SBF1: variants seen among roughly 807,000 people sequenced by gnomAD.
SBF1 encodes myotubularin-related protein 5.
Under a neutral mutation model 215.8 loss-of-function variants are expected in SBF1, and 65 were observed. The ratio of observed to expected loss-of-function variants is 0.30; its 90% CI spans 0.25 to 0.37. The LOEUF is 0.37. Ranked by LOEUF, SBF1 falls within the 10% of genes least tolerant of loss-of-function variation. SBF1 has a pLI of 1.00. For missense variants in SBF1, 2,634 were observed against 2,667.8 expected (o/e 0.99, Z 0.28); for synonymous variants, 1,410 against 1,122.8 (o/e 1.26, Z -5.11).
At chr22:50,474,001 G>A (rs564320703) in intron 1 of SBF1, among the ~76,000 whole-genome samples, 9 of 152,310 alleles carry the variant, frequency 5.9e-5, no homozygotes, top group African/African-American at 1.9e-4. Flanking sequence ...GCTCGCCAAC[G>A]CTGCTGTCTC....
rs747329098 is a variant in SBF1 at position 50,462,611 on chromosome 22, G to A, written c.2075C>T (p.Thr692Ile). The A allele has an allele frequency of 4.3e-6, 7 of 1,612,612 alleles. No homozygotes were observed. The highest frequency in any genetic ancestry group is 1.7e-5 in the Admixed American group (1 of 59,924). ...WEAMFYGDVQ[T>I]HIRALYLEPT... is the part of the protein sequence containing the mutation. ...CTCCAGGTAGAGGGCCCGGATGTGA[G>A]TCTGCACATCCCCATAGAACATGGC... is the stretch of plus-strand genomic sequence containing the variant. The change falls in exon 18 of 41, where the codon ACT becomes ATT. Residue 692 changes from threonine to isoleucine, a missense_variant. Physicochemically the swap from Thr to Ile is moderately conservative, Grantham distance 89. Coordinates refer to ENST00000380817, the MANE Select transcript of SBF1 (RefSeq NM_002972.4).
In SBF1 at chr22:50,456,947, C is replaced by T. The variant is rs1395546454; in HGVS notation, c.3904+87G>A. On this transcript the variant is annotated intron_variant, in intron 29 of 40. Transcript: ENST00000380817. ...CGTTAGTGTCAGGTGTGGAGGGAGA[C>T]ATTAGTGCCCGCAATAACTCAGTGC... The T allele has an allele frequency of 1.2e-5, 13 of 1,118,440 alleles. No homozygotes were observed. The Middle Eastern group carries it at 1.2e-3, about 106-fold the overall frequency. The allele number at this position is 1,118,440 out of a possible 1,614,324, so 69.3% of individuals were successfully genotyped here. A position where few individuals can be genotyped will look rare whatever the true frequency, so the allele number is the denominator to read the frequency against.
At chr22:50,458,069 G>A (rs2067328752) in intron 28 of SBF1, among the ~76,000 whole-genome samples, 1 of 152,216 alleles carries the variant, frequency 6.6e-6, no homozygotes. Context: ...GGAGGCCGAG[G>A]CGGGCGGATC....
chr22:50,453,015 G>T (rs2067108914), intron 36 of SBF1, among the ~76,000 whole-genome samples: 1 of 151,934 alleles, frequency 6.6e-6, no homozygotes, highest in African/African-American at 2.4e-5. Context: ...AAGGGACAAA[G>T]AGAAAACAAA....
rs896238358 is a variant in SBF1, at chr22:50,466,942, G to C, written c.550-232C>G. The C allele has an allele frequency of 5.4e-6, 3 of 560,074 alleles. No homozygotes were observed. In the South Asian group the frequency reaches 7.2e-5, roughly 13 times the overall value. 34.7% of individuals were successfully genotyped at this position (560,074 alleles called of 1,614,324 possible). On this transcript the variant is annotated intron_variant, in intron 5 of 40. Transcript: ENST00000380817. ...TGCTTTTGACTTGGGGGTAGGGATG[G>C]GGCCTAGGTGGGCGGAAGAAACAAA... is the stretch of plus-strand genomic sequence containing the variant.
At chr22:50,454,395 C>A (rs2067163236) in intron 36 of SBF1, 117 bp downstream of exon 36, 1 of 929,290 alleles carries the variant, frequency 1.1e-6, no homozygotes, top group Non-Finnish European at 1.7e-6. Flanking sequence ...CCACACCAAC[C>A]CCCAGGGGTA....
rs747087924 is a variant in SBF1, at chr22:50,466,665, G to A, written c.595C>T (p.Pro199Ser). ...CTGACGGGCAGCGAGTCGGCCAGTGGAGTCTGGATGACCTGCCGGTCACCA... is the reference window on the plus strand; with the variant it reads ...CTGACGGGCAGCGAGTCGGCCAGTGAAGTCTGGATGACCTGCCGGTCACCA... ...GAGDRQVIQT[P>S]LADSLPVSRC... Residue 199 changes from proline (P) to serine (S), a missense_variant, in exon 6 of 41, where the codon CCA becomes TCA. By Grantham distance (74) the Pro-to-Ser change is moderately conservative. Transcript: ENST00000380817. 1.3e-6 allele frequency: 2 copies of A among 1,549,574 alleles called. No homozygotes were observed. Among genetic ancestry groups the A allele is most frequent in the Non-Finnish European group, 1.7e-6 (2 of 1,146,132 alleles).
At chr22:50,459,751 C>T in intron 26 of SBF1, 85 bp from the exon 27 acceptor site, 1 of 1,409,984 alleles carries the variant, frequency 7.1e-7, no homozygotes, top group Non-Finnish European at 9.5e-7. Context: ...AGGAGCCAGC[C>T]CATGGCTCCC....
intron 24 of SBF1, 29 bp from the exon 25 acceptor site, chr22:50,460,437 AGAG>A: frequency 2.5e-6 from 4 of 1,602,570 alleles, no homozygotes; most frequent in Non-Finnish European, 1.7e-6. Flanking sequence ...AGCAAAGGTG[AGAG>A]GAGGAGGGAC....
rs535297475 is a variant in SBF1, at chr22:50,462,850, T to A, written c.1968+20A>T. On this transcript the variant is annotated intron_variant, in intron 17 of 40. Coordinates refer to ENST00000380817, the MANE Select transcript of SBF1 (RefSeq NM_002972.4). Reference sequence around the variant, plus strand: ...GGAAGGGGGGGCTGGGAAGGAGACCTCAGCCATGCCAGCACTCACCCGGCA... The same window carrying A: ...GGAAGGGGGGGCTGGGAAGGAGACCACAGCCATGCCAGCACTCACCCGGCA... 1 of 1,612,478 alleles carries A rather than the reference T, an allele frequency of 6.2e-7. No homozygotes were observed. Among genetic ancestry groups the A allele is most frequent in the Admixed American group, 1.7e-5 (1 of 59,986 alleles).
intron 15 of SBF1, among the ~76,000 whole-genome samples, 193 bp downstream of exon 15, chr22:50,464,136 C>T (rs187926741): frequency 1.3e-5 from 2 of 152,324 alleles, no homozygotes; most frequent in East Asian, 1.9e-4. Context: ...CGCGCAGGCC[C>T]GACCCACCCC....
chr22:50,454,055 G>C (rs2067150245), intron 36 of SBF1, among the ~76,000 whole-genome samples: 2 of 152,214 alleles, frequency 1.3e-5, no homozygotes, highest in Non-Finnish European at 2.9e-5. Context: ...GGATGGCACA[G>C]TGAGGGGTAA....
intron 36 of SBF1, 24 bp from the exon 37 acceptor site, chr22:50,448,674 T>A (rs369766410): frequency 6.4e-7 from 1 of 1,566,690 alleles, no homozygotes; most frequent in African/African-American, 1.3e-5. Context: ...TAATGGCAAG[T>A]TTATTCAAAA....
In SBF1 at chr22:50,445,337, T is replaced by C. The variant is rs1401009837; in HGVS notation, c.*1805A>G. The C allele has an allele frequency of 2.0e-5, 3 of 152,340 alleles. No individual in the cohort carries two copies. The highest frequency in any genetic ancestry group is 7.2e-5 in the African/African-American group (3 of 41,450). 9.4% of individuals were successfully genotyped at this position (152,340 alleles called of 1,614,324 possible). ...ACACATCAACCCCAGGACTTCCTTT[T>C]GTGCCAGCTCCCCCTCCCAGAAGCC... On this transcript the variant is annotated 3_prime_UTR_variant, in exon 41 of 41. Coordinates refer to ENST00000380817, the MANE Select transcript of SBF1 (RefSeq NM_002972.4).
intron 22 of SBF1, 104 bp downstream of exon 22, chr22:50,461,419 C>G: frequency 6.7e-7 from 1 of 1,491,180 alleles, no homozygotes; most frequent in South Asian, 1.3e-5. Context: ...TTCCCACGGG[C>G]ACCCAGAACC....
At position 50,461,785 on chromosome 22, in the gene SBF1, C is replaced by T. The variant is rs552786004; in HGVS notation, c.2643+11G>A. The T allele has an allele frequency of 1.6e-4, 251 of 1,612,738 alleles. 2 individuals carry two copies. The South Asian group carries it at 1.7e-3, about 11-fold the overall frequency. On this transcript the variant is annotated intron_variant, in intron 21 of 40. Transcript: ENST00000380817. Reference sequence around the variant, plus strand: ...CCTTGGGCCCCCGCAGCCCCAACGGCCCCCGCAAACCTTCTGGATGGGCGG... The same window carrying T: ...CCTTGGGCCCCCGCAGCCCCAACGGTCCCCGCAAACCTTCTGGATGGGCGG...
intron 1 of SBF1, among the ~76,000 whole-genome samples, chr22:50,472,849 T>C (rs1034209776): frequency 6.6e-6 from 1 of 152,122 alleles, no homozygotes; most frequent in Non-Finnish European, 1.5e-5. Flanking sequence ...AAGGGGTGCC[T>C]GGGGCTGCAA....
chr22:50,470,201 G>A (rs1048491581), intron 1 of SBF1, among the ~76,000 whole-genome samples: 9 of 151,808 alleles, frequency 5.9e-5, no homozygotes, highest in South Asian at 2.1e-4. Flanking sequence ...AGCCCTGGCT[G>A]GCACCCAGGG....
rs777461626 is a variant in SBF1 at position 50,459,573 on chromosome 22, G to A, written c.3585C>T (p.Val1195=). 3 of 1,609,462 alleles carry A rather than the reference G, an allele frequency of 1.9e-6. No individual in the cohort carries two copies. Among genetic ancestry groups the A allele is most frequent in the African/African-American group, 2.7e-5 (2 of 74,810 alleles). Reference sequence around the variant, plus strand: ...CCTTGGACCGCCCGCTGCGCCAGCAGACCACGGGGAAGCGGTTCTGGCGGT... The same window carrying A: ...CCTTGGACCGCCCGCTGCGCCAGCAAACCACGGGGAAGCGGTTCTGGCGGT... The part of the protein sequence containing the change: ...RCYRQNRFPV[V]CWRSGRSKAV... The change falls in exon 27 of 41, where the codon GTC becomes GTT. Residue 1195 remains valine (V), a synonymous_variant. Transcript: ENST00000380817.
Sources: gnomAD v4.1 joint callset for allele counts (sites outside exome capture counted in the v4.1 genomes callset) on GRCh38, gnomAD v4.1.1 for gene constraint, MANE v1.5 for transcripts, NCBI Gene and HGNC (gene_info 2026-07-23, HGNC 2026-07-21) for gene names.